MEAF6: variants seen among roughly 807,000 people sequenced by gnomAD.
MEAF6 encodes MYST/Esa1 associated factor 6, also known as chromatin modification-related protein MEAF6.
MEAF6 carries 15 observed loss-of-function variants against 28.9 expected under a neutral mutation model. That is an observed-to-expected ratio of 0.52 (90% CI 0.35 to 0.80). The LOEUF is 0.80. Among genes scored for constraint, MEAF6 ranks in the 30% least tolerant of loss-of-function variants. The pLI is 0.01. For missense variants in MEAF6, 178 were observed against 237.5 expected, an observed-to-expected ratio of 0.75 and a Z score of 1.65; for synonymous variants, 97 against 88.7, an observed-to-expected ratio of 1.09 and a Z score of -0.53.
intron 1 of MEAF6, chr1:37,514,303 C>CA (rs1642764365): frequency 6.4e-6 from 1 of 156,760 alleles, no homozygotes; most frequent in Admixed American, 6.6e-5. Flanking sequence ...CCCCTCCCCG[C>CA]AAAGATCACG....
At chr1:37,499,571 C>G (rs1392109451) in intron 5 of MEAF6, among the ~76,000 whole-genome samples, 1 of 152,214 alleles carries the variant, frequency 6.6e-6, no homozygotes, top group Non-Finnish European at 1.5e-5. Flanking sequence ...ATCAGCTTCA[C>G]TCTCCTTTCT....
intron 6 of MEAF6, 55 bp from the exon 7 acceptor site, chr1:37,494,162 C>A (rs1642034613): frequency 1.3e-6 from 2 of 1,494,734 alleles, no homozygotes; most frequent in African/African-American, 1.4e-5. Context: ...AGTTGTTTGA[C>A]CCTAAAGGAA....
At chr1:37,507,901 T>A (rs950654992) in intron 4 of MEAF6, among the ~76,000 whole-genome samples, 4 of 151,922 alleles carry the variant, frequency 2.6e-5, no homozygotes, top group African/African-American at 9.7e-5. Context: ...TTTAGAAATC[T>A]GTACATAGAG....
chr1:37,498,195 T>A (rs562023260), intron 5 of MEAF6, among the ~76,000 whole-genome samples: 1 of 152,318 alleles, frequency 6.6e-6, no homozygotes, highest in East Asian at 1.9e-4. Flanking sequence ...GAAAGCTTAA[T>A]GTCAATATCT....
intron 1 of MEAF6, chr1:37,514,436 C>T (rs372197730): frequency 6.0e-6 from 2 of 331,990 alleles, no homozygotes; most frequent in Non-Finnish European, 5.5e-6. Flanking sequence ...TCCCCTCCCC[C>T]TCCCGCGCTC....
In MEAF6 at chr1:37,501,883, G is replaced by T; in HGVS notation, c.454C>A (p.Pro152Thr). 1 of 1,607,982 alleles carries T rather than the reference G, an allele frequency of 6.2e-7. No individual in the cohort carries two copies. Among genetic ancestry groups the T allele is most frequent in the Non-Finnish European group, 8.5e-7 (1 of 1,175,478 alleles). ...DLDGSVQGVK[P>T]QKAASSTSSG... ...GAAGTAGAAGAAGCAGCCTTCTGAGGTTTCACTCCCTGCACAGATCCATCC... is the reference window on the plus strand; with the variant it reads ...GAAGTAGAAGAAGCAGCCTTCTGAGTTTTCACTCCCTGCACAGATCCATCC... The change falls in exon 5 of 7, where the codon CCT (proline) becomes ACT (threonine). Residue 152 changes from proline (P) to threonine (T), a missense_variant. Coordinates refer to ENST00000296214, the MANE Select transcript of MEAF6 (RefSeq NM_001270875.3).
chr1:37,495,697 C>CAAAAAAAAAAAAAAA (rs1373520573), intron 6 of MEAF6, among the ~76,000 whole-genome samples, 188 bp downstream of exon 6: 4 of 92,676 alleles, frequency 4.3e-5, no homozygotes, highest in Admixed American at 1.1e-4. Context: ...AAAAAAAAAA[C>CAAAAAAAAAAAAAAA]AAAAAACAAA....
At chr1:37,501,730 G>A in intron 5 of MEAF6, 74 bp downstream of exon 5, 1 of 1,340,024 alleles carries the variant, frequency 7.5e-7, no homozygotes, top group East Asian at 2.4e-5. Context: ...CAATCCTAAA[G>A]AGTTTTTATT....
At chr1:37,506,079 T>C (rs1232726674) in intron 4 of MEAF6, among the ~76,000 whole-genome samples, 2 of 152,200 alleles carry the variant, frequency 1.3e-5, no homozygotes, top group Non-Finnish European at 2.9e-5. Context: ...AAGACCAGCC[T>C]GGCTAACAGA....
chr1:37,493,525 T>C lies in MEAF6; in HGVS notation c.*574A>G. On this transcript the variant is annotated 3_prime_UTR_variant, in exon 7 of 7. Coordinates refer to ENST00000296214, the MANE Select transcript of MEAF6 (RefSeq NM_001270875.3). ...ATTTTACTTATGATAAACCAGATTA[T>C]TTTCAGTTATGAATATTGGCAACTG... 1 of 501,814 alleles carries C rather than the reference T, an allele frequency of 2.0e-6. No homozygotes were observed. The highest frequency in any genetic ancestry group is 3.6e-5 in the South Asian group (1 of 27,900). The allele number at this position is 501,814 out of a possible 1,614,324, so 31.1% of individuals were successfully genotyped here.
At chr1:37,512,327 C>T (rs1642695708) in intron 2 of MEAF6, among the ~76,000 whole-genome samples, 1 of 152,082 alleles carries the variant, frequency 6.6e-6, no homozygotes, top group Admixed American at 6.6e-5. Flanking sequence ...TCTGCCAACT[C>T]CCTATGAATC....
At chr1:37,513,567 GATA>G in intron 1 of MEAF6, 29 bp from the exon 2 acceptor site, 1 of 1,519,320 alleles carries the variant, frequency 6.6e-7, no homozygotes, top group East Asian at 2.2e-5. Flanking sequence ...GGACATGAAT[GATA>G]CCTTTTAAAT....
At position 37,491,670 on chromosome 1, in the gene MEAF6, G is replaced by A. The variant is rs1287091720; in HGVS notation, c.*2429C>T. 6.6e-6 allele frequency among the ~76,000 whole-genome samples: 1 copy of A among 151,770 alleles called. No homozygotes were observed. Among genetic ancestry groups the A allele is most frequent in the Admixed American group, 6.6e-5 (1 of 15,206 alleles). On this transcript the variant is annotated 3_prime_UTR_variant, in exon 7 of 7. Coordinates refer to ENST00000296214, the MANE Select transcript of MEAF6 (RefSeq NM_001270875.3). Reference sequence around the variant, plus strand: ...GCTTTGATCAGGCCGCTGCACTCCAGCCTGGGTGACAGAGCAAGATCCTGT... The same window carrying A: ...GCTTTGATCAGGCCGCTGCACTCCAACCTGGGTGACAGAGCAAGATCCTGT...
Position 37,513,543 on chromosome 1 carries a change from G to A in MEAF6, c.91-5C>T. ...CTCCAAATTTGCCAATGTTTCCTGA[G>A]AGATGAAAAACAAGGACATGAATGA... On this transcript the variant is annotated splice_polypyrimidine_tract_variant and splice_region_variant and intron_variant, in intron 1 of 6. Transcript: ENST00000296214. 1.2e-6 allele frequency: 2 copies of A among 1,606,196 alleles called. No individual in the cohort carries two copies. Among genetic ancestry groups the A allele is most frequent in the Non-Finnish European group, 1.7e-6 (2 of 1,172,696 alleles).
intron 2 of MEAF6, among the ~76,000 whole-genome samples, chr1:37,511,186 G>C (rs912874942): frequency 6.6e-6 from 1 of 152,148 alleles, no homozygotes; most frequent in South Asian, 2.1e-4. Flanking sequence ...GGTAAGTATG[G>C]GACATCTCTT....
At chr1:37,495,737 A>G in intron 6 of MEAF6, 148 bp downstream of exon 6, 2 of 596,710 alleles carry the variant, frequency 3.4e-6, no homozygotes, top group Non-Finnish European at 5.8e-6. Flanking sequence ...ACCACCTAAA[A>G]GTTGAAGTAT....
rs1641953680 is a variant in MEAF6, at chr1:37,492,090, A to G, written c.*2009T>C. On this transcript the variant is annotated 3_prime_UTR_variant, in exon 7 of 7. Coordinates refer to ENST00000296214, the MANE Select transcript of MEAF6 (RefSeq NM_001270875.3). ...GTCGCCCAGGCTGGAGTGCAGTGGC[A>G]CTATCTCAGCTCACTGTAAGCTCCG... 6.6e-6 allele frequency among the ~76,000 whole-genome samples: 1 copy of G among 151,472 alleles called. No individual in the cohort carries two copies. Among genetic ancestry groups the G allele is most frequent in the African/African-American group, 2.4e-5 (1 of 41,154 alleles).
chr1:37,500,868 ACG>A (rs1390000592), intron 5 of MEAF6: 2 of 154,024 alleles, frequency 1.3e-5, no homozygotes, highest in African/African-American at 4.8e-5. Context: ...CCTGCTCAGC[ACG>A]CAGTCTTCCA....
chr1:37,500,169 G>A (rs1417788516), intron 5 of MEAF6, among the ~76,000 whole-genome samples: 8 of 152,110 alleles, frequency 5.3e-5, no homozygotes, highest in East Asian at 1.9e-4. Flanking sequence ...AGTGGTGCAC[G>A]CCTGTAATCC....
Sources: allele counts gnomAD v4.1 joint callset (sites outside exome capture counted in the v4.1 genomes callset), GRCh38; gene constraint gnomAD v4.1.1; transcripts MANE v1.5; gene names NCBI Gene and HGNC (gene_info 2026-07-23, HGNC 2026-07-21).